SLC25A13: variants seen among roughly 807,000 people sequenced by gnomAD.
SLC25A13 encodes the protein solute carrier family 25 member 13, also known as electrogenic aspartate/glutamate antiporter SLC25A13, mitochondrial.
A neutral mutation model predicts 85.5 loss-of-function variants in SLC25A13; 70 were observed. The ratio of observed to expected loss-of-function variants is 0.82; its 90% CI spans 0.68 to 1.00. SLC25A13 has a LOEUF of 1.00. Ranked by LOEUF, SLC25A13 falls within the 50% of genes least tolerant of loss-of-function variation. The pLI is 0.00. For synonymous variants in SLC25A13, 259 were observed against 288.7 expected (o/e 0.90, Z 1.04); for missense variants, 765 against 819.8 (o/e 0.93, Z 0.82).
intron 13 of SLC25A13, among the ~76,000 whole-genome samples, chr7:96,150,653 GAC>G (rs1329432073): frequency 6.6e-6 from 1 of 152,058 alleles, no homozygotes; most frequent in African/African-American, 2.4e-5. Context: ...AGAAAACTGA[GAC>G]ACAGACATGT....
intron 15 of SLC25A13, among the ~76,000 whole-genome samples, chr7:96,130,912 G>A (rs1223682338): frequency 6.6e-6 from 1 of 152,194 alleles, no homozygotes; most frequent in Non-Finnish European, 1.5e-5. Flanking sequence ...TAGGTGGGGT[G>A]TGCACAAAAC....
chr7:96,134,814 A>ATATATATATATATATATATATATATATAT lies in SLC25A13; in HGVS notation c.1453-2934_1453-2933insATATATATATATATATATATATATATATA, dbSNP rs1554337570. On this transcript the variant is annotated intron_variant, in intron 14 of 17. Coordinates refer to ENST00000265631, the MANE Select transcript of SLC25A13 (RefSeq NM_014251.3). ...AATTTTATATATATATATATATATA[A>ATATATATATATATATATATATATATATAT]CCCTGAGGAAAGGGTAGAATTGCAA... 3.3e-4 allele frequency among the ~76,000 whole-genome samples: 21 copies of ATATATATATATATATATATATATATATAT among 64,454 alleles called. 1 individual carries two copies. Among genetic ancestry groups the ATATATATATATATATATATATATATATAT allele is most frequent in the African/African-American group, 1.4e-3 (18 of 12,870 alleles). 42.3% of individuals were successfully genotyped at this position (64,454 alleles called of 152,430 possible).
At position 96,293,810 on chromosome 7, in the gene SLC25A13, G is replaced by T. The variant is rs567975137; in HGVS notation, c.69+3088C>A. Reference sequence around the variant, plus strand: ...AGCTGGAGAGGATGTGGAGAAATAGGAACACTTTTACACTGTTGGTGGGAC... The same window carrying T: ...AGCTGGAGAGGATGTGGAGAAATAGTAACACTTTTACACTGTTGGTGGGAC... On this transcript the variant is annotated intron_variant, in intron 2 of 17. Transcript: ENST00000265631. Among the ~76,000 whole-genome samples the T allele has an allele frequency of 2.6e-5, 4 of 152,286 alleles. No individual in the cohort carries two copies. The East Asian group carries it at 7.7e-4, about 29-fold the overall frequency.
At chr7:96,201,363 T>C (rs947785052) in intron 5 of SLC25A13, among the ~76,000 whole-genome samples, 6 of 151,576 alleles carry the variant, frequency 4.0e-5, no homozygotes, top group African/African-American at 1.5e-4. Flanking sequence ...TACAAAAAAT[T>C]AGCTGGGCAT....
At chr7:96,297,024 A>C in intron 1 of SLC25A13, 73 bp from the exon 2 acceptor site, 1 of 1,340,698 alleles carries the variant, frequency 7.5e-7, no homozygotes, top group Non-Finnish European at 1.1e-6. Context: ...CTAAAGGAAA[A>C]TAAATCTCAG....
Position 96,152,357 on chromosome 7 carries a change from G to C in SLC25A13, c.1312-5661C>G, listed in dbSNP as rs573001930. Reference sequence around the variant, plus strand: ...GGAGCAGAGGGGAGAGGGCTCATCCGGGAGGCAGAGCCTGAGGCAGGGATC... The same window carrying C: ...GGAGCAGAGGGGAGAGGGCTCATCCCGGAGGCAGAGCCTGAGGCAGGGATC... On this transcript the variant is annotated intron_variant, in intron 13 of 17. Coordinates refer to ENST00000265631, the MANE Select transcript of SLC25A13 (RefSeq NM_014251.3). 3.3e-4 allele frequency among the ~76,000 whole-genome samples: 51 copies of C among 152,242 alleles called. No homozygotes were observed. In the South Asian group the frequency reaches 6.9e-3, roughly 20 times the overall value.
chr7:96,189,032 T>C (rs1238615479), intron 9 of SLC25A13, among the ~76,000 whole-genome samples: 2 of 152,236 alleles, frequency 1.3e-5, no homozygotes, highest in African/African-American at 4.8e-5. Flanking sequence ...ACCTCCTTCA[T>C]GTTTTCGGAG....
intron 1 of SLC25A13, among the ~76,000 whole-genome samples, chr7:96,302,445 C>T (rs1488191954): frequency 6.6e-6 from 1 of 152,022 alleles, no homozygotes; most frequent in East Asian, 1.9e-4. Context: ...ATGGTGTATT[C>T]AAAATAGTTG....
At chr7:96,246,467 T>C (rs1477592885) in intron 3 of SLC25A13, among the ~76,000 whole-genome samples, 2 of 134,768 alleles carry the variant, frequency 1.5e-5, no homozygotes, top group African/African-American at 2.9e-5. Flanking sequence ...CACATAAGCA[T>C]AGGCACACAA....
intron 1 of SLC25A13, chr7:96,309,647 C>T (rs1799880903): frequency 6.6e-6 from 1 of 152,200 alleles, no homozygotes. Flanking sequence ...TACTCTGAGG[C>T]ATATCTGTGT....
intron 3 of SLC25A13, among the ~76,000 whole-genome samples, chr7:96,261,219 C>T (rs1197092795): frequency 6.6e-6 from 1 of 152,156 alleles, no homozygotes; most frequent in East Asian, 1.9e-4. Context: ...GACCATAGCA[C>T]TTTAATAAAT....
chr7:96,208,672 A>T lies in SLC25A13; in HGVS notation c.468+166T>A, dbSNP rs181560092. ...AGGCGCCGGCCACCACGCCTGGCTA[A>T]TTTTTTGTATTTTTAGTAGAGACGG... On this transcript the variant is annotated intron_variant, in intron 5 of 17. Coordinates refer to ENST00000265631, the MANE Select transcript of SLC25A13 (RefSeq NM_014251.3). 5.9e-5 allele frequency among the ~76,000 whole-genome samples: 9 copies of T among 151,808 alleles called. No homozygotes were observed. The East Asian group carries it at 1.8e-3, about 30-fold the overall frequency.
chr7:96,285,263 G>A (rs1034552629), intron 2 of SLC25A13, among the ~76,000 whole-genome samples: 2 of 152,098 alleles, frequency 1.3e-5, no homozygotes, highest in African/African-American at 4.8e-5. Flanking sequence ...CCCTAAGGCT[G>A]CCTAACTTGT....
intron 3 of SLC25A13, among the ~76,000 whole-genome samples, chr7:96,239,857 A>G (rs951718647): frequency 1.3e-5 from 2 of 152,182 alleles, no homozygotes; most frequent in Admixed American, 1.3e-4. Context: ...AACAGTAGCG[A>G]CTTTGTAACT....
chr7:96,293,414 C>A (rs529644047), intron 2 of SLC25A13, among the ~76,000 whole-genome samples: 8 of 152,218 alleles, frequency 5.3e-5, no homozygotes, highest in East Asian at 1.9e-4. Context: ...GCAACAAAAG[C>A]CAAAATTGAC....
intron 3 of SLC25A13, among the ~76,000 whole-genome samples, chr7:96,270,999 A>G (rs1798219922): frequency 6.6e-6 from 1 of 152,126 alleles, no homozygotes; most frequent in Non-Finnish European, 1.5e-5. Context: ...TCTTCTAATG[A>G]CATTTGTGAT....
chr7:96,191,220 C>T lies in SLC25A13; in HGVS notation c.643G>A (p.Val215Ile), dbSNP rs1458386100. ...AATCCATTAAAATAGGAGAAACTAACTTGATGGGATGTGGTACCTCCAGCA... is the reference window on the plus strand; with the variant it reads ...AATCCATTAAAATAGGAGAAACTAATTTGATGGGATGTGGTACCTCCAGCA... ...AAAGGTTSHQVSFSYFNGFNS... is the reference protein window; with the variant it reads ...AAAGGTTSHQISFSYFNGFNS... Residue 215 changes from valine (V) to isoleucine (I), a missense_variant, in exon 7 of 18, where the codon GTT becomes ATT. Coordinates refer to ENST00000265631, the MANE Select transcript of SLC25A13 (RefSeq NM_014251.3). 5.6e-6 allele frequency: 9 copies of T among 1,613,966 alleles called. No individual in the cohort carries two copies. Among genetic ancestry groups the T allele is most frequent in the Non-Finnish European group, 7.6e-6 (9 of 1,179,982 alleles).
At chr7:96,196,540 G>A (rs1420953237) in intron 5 of SLC25A13, among the ~76,000 whole-genome samples, 2 of 152,164 alleles carry the variant, frequency 1.3e-5, no homozygotes, top group Non-Finnish European at 2.9e-5. Context: ...CCTGTGATTA[G>A]GACAGTGTTA....
chr7:96,258,414 T>C (rs1015356032), intron 3 of SLC25A13, among the ~76,000 whole-genome samples: 8 of 152,082 alleles, frequency 5.3e-5, no homozygotes, highest in African/African-American at 1.9e-4. Context: ...AACATGCCTA[T>C]ACACCAATAA....
Sources: allele counts gnomAD v4.1 joint callset (sites outside exome capture counted in the v4.1 genomes callset), GRCh38; gene constraint gnomAD v4.1.1; transcripts MANE v1.5; gene names NCBI Gene and HGNC (gene_info 2026-07-23, HGNC 2026-07-21).